Variants in SNX29 observed in about 807,000 individuals in gnomAD.
SNX29 encodes the protein sorting nexin 29.
In SNX29, 78 loss-of-function variants were observed where a neutral mutation model predicts 102.1. The observed-to-expected ratio is 0.76, with a 90% confidence interval of 0.64 to 0.92. SNX29 has a LOEUF of 0.92. Among genes scored for constraint, SNX29 ranks in the 40% least tolerant of loss-of-function variants. The pLI, the probability that SNX29 is intolerant of heterozygous loss-of-function variation, is 0.00. For synonymous variants in SNX29, 580 were observed against 414.5 expected (o/e 1.40, Z -4.85); for missense variants, 1,280 against 1,061.7 (o/e 1.21, Z -2.86).
chr16:12,548,500 C>T lies in SNX29; in HGVS notation c.2319-20006C>T, dbSNP rs150898167. Among the ~76,000 whole-genome samples, 736 of 152,286 alleles carry T rather than the reference C, an allele frequency of 4.8e-3. 2 individuals are homozygous for T. Among genetic ancestry groups the T allele is most frequent in the African/African-American group, 0.017 (705 of 41,568 alleles). On this transcript the variant is annotated intron_variant, in intron 20 of 20. Coordinates refer to ENST00000566228, the MANE Select transcript of SNX29 (RefSeq NM_032167.5). ...TTTCAGGATGACTAGTCAGGGTTGT[C>T]TTGTCTGGACCAGATGCTTTGAGGG...
At chr16:12,049,515 CAG>C (rs2050220306) in intron 7 of SNX29, among the ~76,000 whole-genome samples, 1 of 151,906 alleles carries the variant, frequency 6.6e-6, no homozygotes, top group South Asian at 2.1e-4. Context: ...GTATTTTTAG[CAG>C]AGACAGGGTT....
At chr16:12,488,430 C>G (rs2088362225) in intron 19 of SNX29, among the ~76,000 whole-genome samples, 2 of 150,140 alleles carry the variant, frequency 1.3e-5, no homozygotes, top group African/African-American at 2.4e-5. Context: ...GACAGTTCTT[C>G]CTTCCCGCAG....
At chr16:12,448,923 G>A (rs1354491036) in intron 18 of SNX29, among the ~76,000 whole-genome samples, 1 of 152,192 alleles carries the variant, frequency 6.6e-6, no homozygotes, top group Non-Finnish European at 1.5e-5. Context: ...TCTACCCATA[G>A]GTACCAGGTT....
chr16:12,472,365 C>G (rs953531785), intron 18 of SNX29, among the ~76,000 whole-genome samples: 2 of 151,878 alleles, frequency 1.3e-5, no homozygotes, highest in Non-Finnish European at 2.9e-5. Context: ...TACAAAAATA[C>G]AAAAATTAGC....
chr16:12,210,219 G>C (rs1348792925), intron 14 of SNX29, among the ~76,000 whole-genome samples: 3 of 152,202 alleles, frequency 2.0e-5, no homozygotes, highest in Non-Finnish European at 4.4e-5. Flanking sequence ...AGTGCTGCTG[G>C]GGTCTCAGAG....
intron 11 of SNX29, among the ~76,000 whole-genome samples, chr16:12,093,157 TATC>T (rs1176744911): frequency 2.6e-5 from 4 of 152,356 alleles, no homozygotes; most frequent in African/African-American, 9.6e-5. Context: ...TGCCACTGTA[TATC>T]ATCAGAGCCA....
At chr16:12,040,814 C>T (rs116909210) in intron 4 of SNX29, among the ~76,000 whole-genome samples, 1 of 152,308 alleles carries the variant, frequency 6.6e-6, no homozygotes, top group East Asian at 1.9e-4. Context: ...TGCATATACA[C>T]TCATACAATA....
At chr16:12,521,725 C>T (rs1054209326) in intron 19 of SNX29, among the ~76,000 whole-genome samples, 7 of 152,288 alleles carry the variant, frequency 4.6e-5, no homozygotes, top group African/African-American at 1.4e-4. Flanking sequence ...ATCTTAACCA[C>T]CTTCCCAAGG....
chr16:12,245,078 C>G (rs1000416644), intron 14 of SNX29, among the ~76,000 whole-genome samples: 5 of 152,002 alleles, frequency 3.3e-5, no homozygotes, highest in Admixed American at 6.6e-5. Flanking sequence ...TGATTCCCCG[C>G]CCCCCTAACA....
chr16:12,485,335 C>T (rs2088174657), intron 19 of SNX29, among the ~76,000 whole-genome samples: 2 of 152,274 alleles, frequency 1.3e-5, no homozygotes, highest in South Asian at 4.1e-4. Flanking sequence ...CATTATGGCT[C>T]AGGGAGCGAA....
chr16:12,024,390 C>T (rs968979153), intron 3 of SNX29, among the ~76,000 whole-genome samples: 2 of 152,126 alleles, frequency 1.3e-5, no homozygotes, highest in Non-Finnish European at 2.9e-5. Flanking sequence ...AGGTGATCCA[C>T]CCGCCTTGGC....
intron 1 of SNX29, among the ~76,000 whole-genome samples, chr16:11,982,311 T>C (rs2055435223): frequency 6.6e-6 from 1 of 152,140 alleles, no homozygotes; most frequent in South Asian, 2.1e-4. Context: ...TTTTCAGATA[T>C]GTGTTTGTTG....
At position 12,568,578 on chromosome 16, in the gene SNX29, G is replaced by C; in HGVS notation, c.2391G>C (p.Arg797=). 3.7e-6 allele frequency: 6 copies of C among 1,607,634 alleles called. No individual in the cohort carries two copies. Among genetic ancestry groups the C allele is most frequent in the South Asian group, 1.1e-5 (1 of 91,082 alleles). Residue 797 remains arginine (R), a synonymous_variant, in exon 21 of 21, where the codon CGG becomes CGC. Coordinates refer to ENST00000566228, the MANE Select transcript of SNX29 (RefSeq NM_032167.5). ...CTTCCCGCTTCCCCAAACTGTCCCG[G>C]GGTCAGCCCCGGGAGACCCGCAACG... ...KAASRFPKLS[R]GQPRETRNVE...
Position 12,386,023 on chromosome 16 carries a change from C to T in SNX29, c.1900-12423C>T, listed in dbSNP as rs904685213. ...GCATGGCCTTGTCCCCAGGCAGGGG[C>T]GGCCTCAGCTGGCCAGGTGTCCCCG... On this transcript the variant is annotated intron_variant, in intron 16 of 20. Coordinates refer to ENST00000566228, the MANE Select transcript of SNX29 (RefSeq NM_032167.5). Among the ~76,000 whole-genome samples the T allele has an allele frequency of 5.3e-5, 8 of 152,210 alleles. No individual in the cohort carries two copies. The East Asian group carries it at 7.7e-4, about 15-fold the overall frequency.
At chr16:12,469,839 C>G (rs143297745) in intron 18 of SNX29, among the ~76,000 whole-genome samples, 27 of 152,158 alleles carry the variant, frequency 1.8e-4, no homozygotes, top group Non-Finnish European at 2.6e-4. Context: ...GGTGAAACCC[C>G]GTCTCTACTA....
At chr16:12,068,137 G>A (rs185870125) in intron 9 of SNX29, among the ~76,000 whole-genome samples, 1 of 152,202 alleles carries the variant, frequency 6.6e-6, no homozygotes, top group East Asian at 1.9e-4. Context: ...TTCTGGCCCT[G>A]GTTCTGAATA....
intron 18 of SNX29, among the ~76,000 whole-genome samples, chr16:12,474,509 G>GGA (rs2087501466): frequency 6.6e-6 from 1 of 152,148 alleles, no homozygotes; most frequent in Non-Finnish European, 1.5e-5. Context: ...TGTGGAAGGT[G>GGA]GAGAGAGAGC....
chr16:12,100,110 C>G (rs2052949338), intron 11 of SNX29, among the ~76,000 whole-genome samples: 1 of 152,142 alleles, frequency 6.6e-6, no homozygotes, highest in South Asian at 2.1e-4. Context: ...GACTTCAAAG[C>G]CCACCTCTTA....
chr16:12,485,970 C>A (rs897976628), intron 19 of SNX29, among the ~76,000 whole-genome samples: 1 of 152,202 alleles, frequency 6.6e-6, no homozygotes, highest in African/African-American at 2.4e-5. Flanking sequence ...GATCAGTTTC[C>A]TGTGGCTTAC....
Sources: gnomAD v4.1 joint callset for allele counts (sites outside exome capture counted in the v4.1 genomes callset) on GRCh38, gnomAD v4.1.1 for gene constraint, MANE v1.5 for transcripts, NCBI Gene and HGNC (gene_info 2026-07-23, HGNC 2026-07-21) for gene names.